The following MAML3 variants were observed in gnomAD, a reference collection of about 807,000 sequenced individuals.
MAML3 encodes the protein mastermind-like protein 3.
MAML3 carries 27 observed loss-of-function variants against 101.9 expected under a neutral mutation model. The observed-to-expected ratio is 0.27, with a 90% CI of 0.20 to 0.37. The LOEUF (loss-of-function observed/expected upper bound fraction) is 0.37, where lower values mean the gene tolerates loss of function less well. Ranked by LOEUF, MAML3 falls within the 10% of genes least tolerant of loss-of-function variation. MAML3 has a pLI of 1.00. For synonymous variants in MAML3, 501 were observed against 555.9 expected (o/e 0.90, Z 1.39); for missense variants, 1,316 against 1,444.9 (o/e 0.91, Z 1.45).
intron 1 of MAML3, among the ~76,000 whole-genome samples, chr4:139,966,311 A>T (rs1734129236): frequency 6.6e-6 from 1 of 152,054 alleles, no homozygotes; most frequent in African/African-American, 2.4e-5. Context: ...TTAACCGAGC[A>T]CCCCACTTAT....
At chr4:140,083,388 C>T (rs1053818173) in intron 1 of MAML3, among the ~76,000 whole-genome samples, 2 of 152,222 alleles carry the variant, frequency 1.3e-5, no homozygotes, top group African/African-American at 2.4e-5. Context: ...TGAGCACTCC[C>T]ATGCATGCCA....
At chr4:139,913,327 T>C (rs1448359072) in intron 1 of MAML3, among the ~76,000 whole-genome samples, 3 of 152,222 alleles carry the variant, frequency 2.0e-5, no homozygotes, top group Non-Finnish European at 4.4e-5. Context: ...CCTAATTTTT[T>C]TTTATGGATT....
intron 1 of MAML3, among the ~76,000 whole-genome samples, chr4:139,989,086 C>T (rs765760744): frequency 2.6e-5 from 4 of 152,140 alleles, no homozygotes; most frequent in Non-Finnish European, 5.9e-5. Flanking sequence ...TGCCCCTTCT[C>T]GACGATTTAT....
chr4:139,837,175 A>G (rs986149436), intron 2 of MAML3, among the ~76,000 whole-genome samples: 2 of 151,682 alleles, frequency 1.3e-5, no homozygotes, highest in African/African-American at 2.4e-5. Flanking sequence ...ACTAACTCCA[A>G]TACTAAGCCC....
At chr4:139,806,555 G>A (rs952963906) in intron 2 of MAML3, among the ~76,000 whole-genome samples, 20 of 152,036 alleles carry the variant, frequency 1.3e-4, no homozygotes, top group Non-Finnish European at 2.6e-4. Context: ...TACAACACAC[G>A]TCAAGATCCT....
At chr4:140,070,288 T>C (rs1727627433) in intron 1 of MAML3, among the ~76,000 whole-genome samples, 1 of 152,192 alleles carries the variant, frequency 6.6e-6, no homozygotes, top group East Asian at 1.9e-4. Context: ...CATACATTCA[T>C]GTTAAAATAA....
intron 2 of MAML3, among the ~76,000 whole-genome samples, chr4:139,836,597 G>T (rs1277296445): frequency 6.6e-6 from 1 of 152,144 alleles, no homozygotes; most frequent in Non-Finnish European, 1.5e-5. Context: ...CAGCAAGCCA[G>T]CCCCAGGAGG....
At chr4:140,027,899 C>T (rs138263030) in intron 1 of MAML3, among the ~76,000 whole-genome samples, 11 of 152,166 alleles carry the variant, frequency 7.2e-5, no homozygotes, top group African/African-American at 2.4e-4. Context: ...AACAAAAAAT[C>T]GATTAAGTTG....
At chr4:139,918,944 TAATTTA>T (rs567798483) in intron 1 of MAML3, among the ~76,000 whole-genome samples, 9 of 152,254 alleles carry the variant, frequency 5.9e-5, no homozygotes, top group African/African-American at 1.9e-4. Flanking sequence ...CACACAAATG[TAATTTA>T]AAGCCAAATA....
intron 2 of MAML3, among the ~76,000 whole-genome samples, chr4:139,862,347 T>G (rs186115302): frequency 6.6e-6 from 1 of 152,112 alleles, no homozygotes; most frequent in African/African-American, 2.4e-5. Flanking sequence ...CAAACATGTT[T>G]GGAAACCACA....
chr4:140,040,872 A>G (rs1727075522), intron 1 of MAML3, among the ~76,000 whole-genome samples: 1 of 152,132 alleles, frequency 6.6e-6, no homozygotes, highest in Non-Finnish European at 1.5e-5. Context: ...TTGAGACGTT[A>G]TGACAATCTG....
At chr4:140,003,639 A>C (rs535142521) in intron 1 of MAML3, among the ~76,000 whole-genome samples, 109 of 152,304 alleles carry the variant, frequency 7.2e-4, no homozygotes, top group African/African-American at 2.4e-3. Context: ...CCCATTTTAA[A>C]GTGAGGATAA....
At chr4:140,044,500 G>A (rs554403334) in intron 1 of MAML3, among the ~76,000 whole-genome samples, 4 of 152,104 alleles carry the variant, frequency 2.6e-5, no homozygotes, top group Admixed American at 1.3e-4. Flanking sequence ...CCCTTATTTC[G>A]CAAGAGTCCG....
At chr4:139,792,800 A>G (rs918119739) in intron 2 of MAML3, among the ~76,000 whole-genome samples, 2 of 147,720 alleles carry the variant, frequency 1.4e-5, no homozygotes, top group African/African-American at 5.0e-5. Context: ...GCTGGAGTGC[A>G]GTGGTGCAAT....
At chr4:140,025,690 T>G (rs1726810598) in intron 1 of MAML3, among the ~76,000 whole-genome samples, 1 of 152,150 alleles carries the variant, frequency 6.6e-6, no homozygotes, top group Non-Finnish European at 1.5e-5. Flanking sequence ...CAACATTGTT[T>G]CAGGAAGATT....
At chr4:139,912,223 T>A (rs1339191641) in intron 1 of MAML3, among the ~76,000 whole-genome samples, 3 of 151,744 alleles carry the variant, frequency 2.0e-5, no homozygotes, top group Non-Finnish European at 4.4e-5. Flanking sequence ...ATCAGAAGAG[T>A]GATTAAAAAA....
chr4:139,872,982 G>A (rs989550318), intron 2 of MAML3, among the ~76,000 whole-genome samples: 7 of 152,146 alleles, frequency 4.6e-5, no homozygotes, highest in Non-Finnish European at 1.0e-4. Flanking sequence ...TCAGGAGACT[G>A]AGGCAGGAAG....
chr4:140,077,093 G>A (rs1242134736), intron 1 of MAML3, among the ~76,000 whole-genome samples: 1 of 152,044 alleles, frequency 6.6e-6, no homozygotes, highest in African/African-American at 2.4e-5. Flanking sequence ...TGTTGGCCAG[G>A]CTGGTCTTGA....
chr4:140,020,311 G>A (rs190673470), intron 1 of MAML3, among the ~76,000 whole-genome samples: 37 of 152,188 alleles, frequency 2.4e-4, no homozygotes, highest in African/African-American at 8.2e-4. Flanking sequence ...AGAAGACTTG[G>A]AGACAATTGA....
Sources: allele counts gnomAD v4.1 joint callset (sites outside exome capture counted in the v4.1 genomes callset), GRCh38; gene constraint gnomAD v4.1.1; transcripts MANE v1.5; gene names NCBI Gene and HGNC (gene_info 2026-07-23, HGNC 2026-07-21).